Variants in KIAA1217 observed in about 807,000 individuals in gnomAD.
KIAA1217 encodes the protein sickle tail protein homolog.
Under a neutral mutation model 163.9 loss-of-function variants are expected in KIAA1217, and 88 were observed. That is an observed-to-expected ratio of 0.54 (90% CI 0.45 to 0.64). The LOEUF (loss-of-function observed/expected upper bound fraction) is 0.64. KIAA1217 is among the 30% of genes least tolerant of loss of function. The probability of loss-of-function intolerance (pLI) is 0.00; values close to 1 mark genes in which losing one functional copy is unlikely to be tolerated. For synonymous variants in KIAA1217, 903 were observed against 923.1 expected (o/e 0.98, Z 0.39); for missense variants, 2,372 against 2,475.0 (o/e 0.96, Z 0.88).
rs183257041 is a variant in KIAA1217, at chr10:23,875,302, A to G, written c.-320-131923A>G. On this transcript the variant is annotated intron_variant, in intron 1 of 18. Coordinates refer to the KIAA1217 transcript ENST00000376462. ...AGAAACAGGGGAGCAAGGGACCAGG[A>G]CTCTGATAGGAGGCAGGTAACTAAT... Among the ~76,000 whole-genome samples, 20 of 152,152 alleles carry G rather than the reference A, an allele frequency of 1.3e-4. No homozygotes were observed. The East Asian group carries it at 2.1e-3, about 16-fold the overall frequency.
Position 24,473,435 on chromosome 10 carries a change from T to A in KIAA1217, c.1054T>A (p.Ser352Thr), listed in dbSNP as rs768185967. ...GNATIPRDRI[S>T]SLPVSRPISP... ...TGCCACCATCCCCAGGGACAGAATCTCCAGCCTGCCAGTCTCCAGACCCAT... is the reference window on the plus strand; with the variant it reads ...TGCCACCATCCCCAGGGACAGAATCACCAGCCTGCCAGTCTCCAGACCCAT... Residue 352 changes from serine (S) to threonine (T), a missense_variant, in exon 6 of 21, where the codon TCC becomes ACC. Ser to Thr is a moderately conservative substitution (Grantham distance 58). This residue lies in a region of KIAA1217 where 1,431 missense variants were observed against 1,470.3 expected (regional missense o/e 0.97). Coordinates refer to ENST00000376454, the MANE Select transcript of KIAA1217 (RefSeq NM_019590.5). 6.2e-7 allele frequency: 1 copy of A among 1,613,976 alleles called. No individual in the cohort carries two copies. The highest frequency in any genetic ancestry group is 1.3e-5 in the African/African-American group (1 of 74,978).
chr10:24,197,621 C>T lies in KIAA1217; in HGVS notation c.-170-22005C>T, dbSNP rs567550816. 3.3e-5 allele frequency among the ~76,000 whole-genome samples: 5 copies of T among 152,362 alleles called. No homozygotes were observed. The South Asian group carries it at 6.2e-4, about 19-fold the overall frequency. On this transcript the variant is annotated intron_variant, in intron 2 of 18. Coordinates refer to the KIAA1217 transcript ENST00000376462. ...CTATGTGCAATTTAATTTCTACATC[C>T]TGCCAATTTTACTTCCTGAGTATTT...
At chr10:24,021,566 C>A (rs1299181348) in intron 2 of KIAA1217, among the ~76,000 whole-genome samples, 1 of 151,822 alleles carries the variant, frequency 6.6e-6, no homozygotes, top group Non-Finnish European at 1.5e-5. Context: ...CAAATCCCTG[C>A]AAATTATTTT....
chr10:24,355,841 C>T (rs947019266), intron 2 of KIAA1217, among the ~76,000 whole-genome samples: 4 of 145,688 alleles, frequency 2.7e-5, no homozygotes, highest in Non-Finnish European at 4.5e-5. Flanking sequence ...CTCCACCTCC[C>T]GGGTTCAAGC....
chr10:24,283,034 T>G (rs977641786), intron 2 of KIAA1217, among the ~76,000 whole-genome samples: 8 of 151,788 alleles, frequency 5.3e-5, no homozygotes, highest in African/African-American at 1.9e-4. Flanking sequence ...GGTTTCTCCA[T>G]GTTGGTCTGG....
chr10:23,898,545 TTG>T (rs1260881503), intron 1 of KIAA1217, among the ~76,000 whole-genome samples: 1 of 152,104 alleles, frequency 6.6e-6, no homozygotes, highest in Non-Finnish European at 1.5e-5. Flanking sequence ...TCATTATACT[TTG>T]TGTATTCTTC....
chr10:23,723,719 G>T (rs1837985083), intron 1 of KIAA1217, among the ~76,000 whole-genome samples: 1 of 152,128 alleles, frequency 6.6e-6, no homozygotes. Context: ...TTTTTAAAGA[G>T]ATCCTTGCTA....
chr10:23,813,952 C>T (rs951876651), intron 1 of KIAA1217, among the ~76,000 whole-genome samples: 1 of 152,106 alleles, frequency 6.6e-6, no homozygotes, highest in African/African-American at 2.4e-5. Context: ...ATGCTGAGCC[C>T]GTAGCTGTCA....
At chr10:23,895,735 A>G (rs1026308485) in intron 1 of KIAA1217, among the ~76,000 whole-genome samples, 2 of 152,042 alleles carry the variant, frequency 1.3e-5, no homozygotes, top group Non-Finnish European at 2.9e-5. Flanking sequence ...AAGACTTGGA[A>G]CCAACCCAAA....
At chr10:23,912,970 G>T (rs769609705) in intron 1 of KIAA1217, among the ~76,000 whole-genome samples, 7 of 152,182 alleles carry the variant, frequency 4.6e-5, no homozygotes, top group Non-Finnish European at 1.0e-4. Context: ...TGTCACTGAC[G>T]TTTTTCTCAG....
chr10:24,307,780 C>CA (rs888692079), intron 2 of KIAA1217, among the ~76,000 whole-genome samples: 31 of 151,388 alleles, frequency 2.0e-4, no homozygotes, highest in Non-Finnish European at 3.8e-4. Context: ...GACCTTGTCT[C>CA]AAAAAAAAGA....
chr10:24,188,827 C>T (rs1000749965), intron 2 of KIAA1217, among the ~76,000 whole-genome samples: 1 of 152,092 alleles, frequency 6.6e-6, no homozygotes, highest in Admixed American at 6.5e-5. Context: ...ATTCCTCGGC[C>T]GGGTGCAGTG....
rs1839575220 is a variant in KIAA1217 at position 23,855,009 on chromosome 10, T to C, written c.-320-152216T>C. 2.0e-5 allele frequency among the ~76,000 whole-genome samples: 3 copies of C among 152,214 alleles called. 1 individual carries two copies. Among genetic ancestry groups the C allele is most frequent in the African/African-American group, 7.2e-5 (3 of 41,452 alleles). ...TCTTTTAATTGGAGCATTTAGTCCATTTACATTTAAAGTTAATATTGTTAT... is the reference window on the plus strand; with the variant it reads ...TCTTTTAATTGGAGCATTTAGTCCACTTACATTTAAAGTTAATATTGTTAT... On this transcript the variant is annotated intron_variant, in intron 1 of 18. Coordinates refer to the KIAA1217 transcript ENST00000376462.
At chr10:24,305,424 C>G (rs1240172146) in intron 2 of KIAA1217, among the ~76,000 whole-genome samples, 17 of 152,206 alleles carry the variant, frequency 1.1e-4, no homozygotes, top group Admixed American at 1.1e-3. Flanking sequence ...CCACAGACAT[C>G]TGAGCATTAG....
At chr10:24,215,493 A>C (rs1214031765) in intron 1 of KIAA1217, among the ~76,000 whole-genome samples, 1 of 152,230 alleles carries the variant, frequency 6.6e-6, no homozygotes, top group African/African-American at 2.4e-5. Flanking sequence ...GATAATCCAC[A>C]CTTGAGCTTT....
At chr10:24,324,019 C>A (rs1403455421) in intron 2 of KIAA1217, among the ~76,000 whole-genome samples, 1 of 152,030 alleles carries the variant, frequency 6.6e-6, no homozygotes, top group East Asian at 1.9e-4. Context: ...GTAATCCCAG[C>A]AATTTGGGAG....
chr10:23,991,369 A>T (rs1351680049), intron 1 of KIAA1217, among the ~76,000 whole-genome samples: 2 of 152,186 alleles, frequency 1.3e-5, no homozygotes, highest in Admixed American at 1.3e-4. Flanking sequence ...AAGCACTCAG[A>T]TATGCATAGC....
intron 2 of KIAA1217, among the ~76,000 whole-genome samples, chr10:24,254,606 C>T (rs148302332): frequency 1.6e-4 from 24 of 152,270 alleles, no homozygotes; most frequent in African/African-American, 5.3e-4. Flanking sequence ...GCTTTTAAGG[C>T]AGATATGGCC....
At chr10:24,202,522 TG>T (rs2067319193) in intron 2 of KIAA1217, among the ~76,000 whole-genome samples, 1 of 152,164 alleles carries the variant, frequency 6.6e-6, no homozygotes, top group South Asian at 2.1e-4. Flanking sequence ...CCCTCCACCC[TG>T]GGCTGCACCA....
Sources: allele counts gnomAD v4.1 joint callset (sites outside exome capture counted in the v4.1 genomes callset), GRCh38; gene constraint gnomAD v4.1.1; regional missense constraint gnomAD v4.1.1; transcripts MANE v1.5; gene names NCBI Gene and HGNC (gene_info 2026-07-23, HGNC 2026-07-21).